Variants in ANKS1B observed in about 807,000 individuals in gnomAD.
ANKS1B encodes ankyrin repeat and sterile alpha motif domain-containing protein 1B.
In ANKS1B, 36 loss-of-function variants were observed where a neutral mutation model predicts 148.3. That is an observed-to-expected ratio of 0.24 (90% CI 0.19 to 0.32). The LOEUF is 0.32. ANKS1B is among the 10% of genes least tolerant of loss of function. The pLI, the probability that ANKS1B is intolerant of heterozygous loss-of-function variation, is 1.00. For missense variants in ANKS1B, 1,157 were observed against 1,542.6 expected (o/e 0.75, Z 4.19); for synonymous variants, 542 against 560.8 (o/e 0.97, Z 0.47).
chr12:99,798,432 A>AAAAC (rs199876796), intron 4 of ANKS1B, among the ~76,000 whole-genome samples: 1,693 of 114,616 alleles, frequency 0.015, 19 homozygotes, highest in Middle Eastern at 0.019. Context: ...TTAAAAAAAA[A>AAAAC]AAAAAAAAAA....
intron 17 of ANKS1B, among the ~76,000 whole-genome samples, chr12:98,838,863 G>C (rs2099389924): frequency 6.6e-6 from 1 of 152,150 alleles, no homozygotes; most frequent in South Asian, 2.1e-4. Context: ...CTCATCTGCA[G>C]AACTAAAATT....
At chr12:99,760,069 T>A (rs1015473501) in intron 8 of ANKS1B, among the ~76,000 whole-genome samples, 1 of 151,816 alleles carries the variant, frequency 6.6e-6, no homozygotes, top group Non-Finnish European at 1.5e-5. Flanking sequence ...AGAAAGGAAG[T>A]TTACTGCCCT....
At chr12:99,533,941 A>G (rs927981491) in intron 9 of ANKS1B, among the ~76,000 whole-genome samples, 1 of 152,236 alleles carries the variant, frequency 6.6e-6, no homozygotes, top group Non-Finnish European at 1.5e-5. Context: ...AAAAATATGG[A>G]GAAAAACTTG....
At chr12:99,000,370 G>A (rs181174478) in intron 17 of ANKS1B, among the ~76,000 whole-genome samples, 22 of 148,348 alleles carry the variant, frequency 1.5e-4, no homozygotes, top group African/African-American at 5.5e-4. Context: ...CCGGGTTCAA[G>A]CAATTCTCTT....
intron 1 of ANKS1B, among the ~76,000 whole-genome samples, chr12:99,908,585 AAAAG>A (rs2093880540): frequency 6.6e-6 from 1 of 152,162 alleles, no homozygotes; most frequent in Non-Finnish European, 1.5e-5. Flanking sequence ...TCTCCAAAAG[AAAAG>A]AAAGAAAAAT....
chr12:99,522,584 A>G (rs182994069), intron 9 of ANKS1B, among the ~76,000 whole-genome samples: 123 of 152,336 alleles, frequency 8.1e-4, no homozygotes, highest in African/African-American at 2.9e-3. Context: ...ATAACAAGTC[A>G]AACTTTATTA....
At chr12:99,881,181 T>C (rs1385951644) in intron 1 of ANKS1B, among the ~76,000 whole-genome samples, 1 of 152,198 alleles carries the variant, frequency 6.6e-6, no homozygotes, top group Non-Finnish European at 1.5e-5. Flanking sequence ...AGAGAAGTCC[T>C]CTAGCTCTGG....
At chr12:99,551,990 A>T (rs528765706) in intron 9 of ANKS1B, among the ~76,000 whole-genome samples, 40 of 152,088 alleles carry the variant, frequency 2.6e-4, no homozygotes, top group Non-Finnish European at 4.9e-4. Context: ...ATATATGTAC[A>T]GTTCCTAGCA....
chr12:99,923,440 G>A (rs556546484), intron 1 of ANKS1B, among the ~76,000 whole-genome samples: 1 of 152,156 alleles, frequency 6.6e-6, no homozygotes, highest in African/African-American at 2.4e-5. Flanking sequence ...TGGATGCCAG[G>A]CTTTTATAAC....
chr12:99,188,855 C>A (rs1474752693), intron 14 of ANKS1B, among the ~76,000 whole-genome samples: 1 of 152,082 alleles, frequency 6.6e-6, no homozygotes, highest in African/African-American at 2.4e-5. Context: ...CAGAGCAGAA[C>A]TGAAGGAGAC....
intron 8 of ANKS1B, among the ~76,000 whole-genome samples, chr12:99,711,133 T>C (rs1328292528): frequency 6.6e-6 from 1 of 152,108 alleles, no homozygotes; most frequent in Non-Finnish European, 1.5e-5. Flanking sequence ...AGAACAAAAC[T>C]AACATCATTA....
intron 15 of ANKS1B, among the ~76,000 whole-genome samples, chr12:99,121,446 C>T (rs928072785): frequency 6.6e-6 from 1 of 151,206 alleles, no homozygotes; most frequent in African/African-American, 2.4e-5. Flanking sequence ...AATTATGTTA[C>T]TTAAGGTACT....
intron 21 of ANKS1B, 41 bp downstream of exon 21, chr12:98,800,956 A>G (rs1206303719): frequency 6.3e-7 from 1 of 1,594,414 alleles, no homozygotes; most frequent in Non-Finnish European, 8.6e-7. Flanking sequence ...CATACCCCCT[A>G]TCTCCACTTA....
intron 18 of ANKS1B, among the ~76,000 whole-genome samples, chr12:98,830,113 G>A (rs1389405224): frequency 6.6e-6 from 1 of 152,094 alleles, no homozygotes; most frequent in East Asian, 1.9e-4. Flanking sequence ...GCCAGAATGA[G>A]AGGTTCAGAA....
chr12:99,331,937 A>G (rs2087645070), intron 12 of ANKS1B, among the ~76,000 whole-genome samples: 2 of 152,042 alleles, frequency 1.3e-5, no homozygotes, highest in African/African-American at 4.8e-5. Context: ...AGAGGAAATA[A>G]AGGCAGTAAA....
intron 21 of ANKS1B, among the ~76,000 whole-genome samples, chr12:98,799,881 T>C (rs999986956): frequency 1.3e-5 from 2 of 151,454 alleles, no homozygotes; most frequent in Admixed American, 6.6e-5. Flanking sequence ...AAGAGCTCTA[T>C]ATATGTTTTT....
intron 1 of ANKS1B, among the ~76,000 whole-genome samples, chr12:99,906,766 T>C (rs1416558647): frequency 6.6e-6 from 1 of 152,258 alleles, no homozygotes; most frequent in African/African-American, 2.4e-5. Flanking sequence ...TATTTTCTCC[T>C]TCATATGCTT....
intron 1 of ANKS1B, among the ~76,000 whole-genome samples, chr12:99,831,730 T>C (rs1014084526): frequency 4.6e-5 from 7 of 151,934 alleles, no homozygotes; most frequent in African/African-American, 1.7e-4. Context: ...TTTTTTTTTT[T>C]AGCTTATGTG....
chr12:99,723,089 T>C (rs552290770), intron 8 of ANKS1B, among the ~76,000 whole-genome samples: 1 of 152,224 alleles, frequency 6.6e-6, no homozygotes, highest in South Asian at 2.1e-4. Context: ...GCCCTGCAGA[T>C]TCTCAAAAGC....
Sources: gnomAD v4.1 joint callset for allele counts (sites outside exome capture counted in the v4.1 genomes callset) on GRCh38, gnomAD v4.1.1 for gene constraint, MANE v1.5 for transcripts, NCBI Gene and HGNC (gene_info 2026-07-23, HGNC 2026-07-21) for gene names.